Variants in PPP3CC observed in about 807,000 individuals in gnomAD.
PPP3CC encodes serine/threonine-protein phosphatase 2B catalytic subunit gamma isoform.
A neutral mutation model predicts 60.3 loss-of-function variants in PPP3CC; 35 were observed. The observed-to-expected ratio is 0.58, with a 90% CI of 0.44 to 0.77. The LOEUF (loss-of-function observed/expected upper bound fraction) is 0.77, where lower values mean the gene tolerates loss of function less well. PPP3CC is among the 30% of genes least tolerant of loss of function. The pLI is 0.00. For missense variants in PPP3CC, 570 were observed against 628.9 expected (o/e 0.91, Z 1.00); for synonymous variants, 206 against 224.3 (o/e 0.92, Z 0.73).
chr8:22,534,562 A>AC (rs1839802968), intron 12 of PPP3CC, among the ~76,000 whole-genome samples: 1 of 152,182 alleles, frequency 6.6e-6, no homozygotes, highest in Non-Finnish European at 1.5e-5. Context: ...ACATATGTCT[A>AC]CCCTGTAACC....
intron 12 of PPP3CC, 119 bp downstream of exon 12, chr8:22,533,137 G>A: frequency 1.5e-6 from 1 of 651,144 alleles, no homozygotes; most frequent in African/African-American, 1.9e-5. Context: ...TATACCATAA[G>A]CGGGGAAATG....
intron 4 of PPP3CC, among the ~76,000 whole-genome samples, chr8:22,502,326 T>G (rs1838785353): frequency 6.6e-6 from 1 of 152,162 alleles, no homozygotes; most frequent in African/African-American, 2.4e-5. Context: ...AATCTAAATG[T>G]CAACAAGACA....
intron 1 of PPP3CC, among the ~76,000 whole-genome samples, chr8:22,456,554 CA>C (rs1241358722): frequency 6.6e-6 from 1 of 152,098 alleles, no homozygotes; most frequent in East Asian, 1.9e-4. Flanking sequence ...AGTAGTATAC[CA>C]AAACCAGGAA....
At chr8:22,474,827 C>G in intron 1 of PPP3CC, 127 bp from the exon 2 acceptor site, 1 of 523,772 alleles carries the variant, frequency 1.9e-6, no homozygotes, top group Non-Finnish European at 2.9e-6. Context: ...TTTTTCCCCA[C>G]GTACTGGTGC....
At chr8:22,444,992 G>A (rs1836780798) in intron 1 of PPP3CC, among the ~76,000 whole-genome samples, 1 of 152,152 alleles carries the variant, frequency 6.6e-6, no homozygotes, top group Non-Finnish European at 1.5e-5. Flanking sequence ...GGAATTACAT[G>A]ACAAATATAG....
intron 8 of PPP3CC, among the ~76,000 whole-genome samples, chr8:22,524,568 C>T (rs1424178711): frequency 1.3e-5 from 2 of 152,064 alleles, no homozygotes; most frequent in African/African-American, 4.8e-5. Context: ...AGGTTTTATT[C>T]TTATTTATTC....
At chr8:22,492,788 G>A in intron 3 of PPP3CC, 1 of 1,002,842 alleles carries the variant, frequency 1.0e-6, no homozygotes, top group Non-Finnish European at 1.6e-6. Context: ...CAATGTCTCT[G>A]GTATTGAAGA....
intron 12 of PPP3CC, among the ~76,000 whole-genome samples, chr8:22,534,195 TC>T (rs1417130964): frequency 1.4e-5 from 1 of 71,302 alleles, no homozygotes; most frequent in Non-Finnish European, 2.7e-5. Context: ...CAAGACTGTT[TC>T]AAAAAAAAAA....
Position 22,486,293 on chromosome 8 carries a change from C to T in PPP3CC, c.372+10669C>T, listed in dbSNP as rs187911737. On this transcript the variant is annotated intron_variant, in intron 3 of 13. Coordinates refer to ENST00000240139, the MANE Select transcript of PPP3CC (RefSeq NM_005605.5). ...TGGGGTTGCAGGGAGAAGCTTTGATCTCAGGGAAGGAAGGCCCTTATCCCA... is the reference window on the plus strand; with the variant it reads ...TGGGGTTGCAGGGAGAAGCTTTGATTTCAGGGAAGGAAGGCCCTTATCCCA... Among the ~76,000 whole-genome samples the T allele has an allele frequency of 1.7e-3, 261 of 152,132 alleles. 7 individuals are homozygous for T. Among genetic ancestry groups the T allele is most frequent in the Non-Finnish European group, 9.0e-4 (61 of 67,994 alleles).
At chr8:22,501,786 A>AGGAT (rs1838770082) in intron 4 of PPP3CC, among the ~76,000 whole-genome samples, 1 of 152,058 alleles carries the variant, frequency 6.6e-6, no homozygotes, top group Admixed American at 6.5e-5. Flanking sequence ...CAAAGGGGAG[A>AGGAT]GGATCACTTG....
intron 1 of PPP3CC, among the ~76,000 whole-genome samples, chr8:22,473,264 A>G (rs1837784808): frequency 6.6e-6 from 1 of 152,180 alleles, no homozygotes; most frequent in Non-Finnish European, 1.5e-5. Flanking sequence ...TGGTTTACAG[A>G]CTTGTGGCTC....
intron 4 of PPP3CC, among the ~76,000 whole-genome samples, chr8:22,504,700 T>TTCCCTCCC (rs35661790): frequency 1.4e-5 from 2 of 146,976 alleles, no homozygotes; most frequent in African/African-American, 2.5e-5. Flanking sequence ...CCCTCCCTCC[T>TTCCCTCCC]TCCCTCCCTC....
chr8:22,515,049 G>T (rs993733554), intron 6 of PPP3CC, among the ~76,000 whole-genome samples: 4 of 152,034 alleles, frequency 2.6e-5, no homozygotes, highest in East Asian at 1.9e-4. Context: ...AAATCTCACA[G>T]TATCAAATAC....
chr8:22,459,467 G>GTGTGTT (rs1472781619), intron 1 of PPP3CC, among the ~76,000 whole-genome samples: 3 of 151,996 alleles, frequency 2.0e-5, no homozygotes. Context: ...GTGTGTGTGT[G>GTGTGTT]TGTGTGTGTT....
intron 9 of PPP3CC, 63 bp from the exon 10 acceptor site, chr8:22,528,443 A>G (rs1839617374): frequency 2.7e-6 from 3 of 1,115,840 alleles, no homozygotes; most frequent in East Asian, 2.6e-5. Context: ...TTAGATATCC[A>G]CATTATTTTA....
At chr8:22,471,070 T>C (rs1043043962) in intron 1 of PPP3CC, among the ~76,000 whole-genome samples, 1 of 152,216 alleles carries the variant, frequency 6.6e-6, no homozygotes, top group Non-Finnish European at 1.5e-5. Context: ...GTTTAATATG[T>C]ATTATTAATG....
intron 1 of PPP3CC, among the ~76,000 whole-genome samples, chr8:22,466,140 A>T (rs1277704255): frequency 6.7e-6 from 1 of 149,926 alleles, no homozygotes; most frequent in Non-Finnish European, 1.5e-5. Flanking sequence ...TTCCAGCTTC[A>T]TCCATGTCCC....
At chr8:22,506,105 G>A (rs907731372) in intron 4 of PPP3CC, among the ~76,000 whole-genome samples, 1 of 151,924 alleles carries the variant, frequency 6.6e-6, no homozygotes, top group Non-Finnish European at 1.5e-5. Flanking sequence ...GTTCTGGGAG[G>A]GCATCTTTCA....
At chr8:22,463,537 A>T (rs190552290) in intron 1 of PPP3CC, among the ~76,000 whole-genome samples, 1 of 152,328 alleles carries the variant, frequency 6.6e-6, no homozygotes. Flanking sequence ...ATTAACCAGC[A>T]TTATCAGAAT....
Sources: allele counts gnomAD v4.1 joint callset (sites outside exome capture counted in the v4.1 genomes callset), GRCh38; gene constraint gnomAD v4.1.1; transcripts MANE v1.5; gene names NCBI Gene and HGNC (gene_info 2026-07-23, HGNC 2026-07-21).